Variants in DPP6 observed in about 807,000 individuals in gnomAD.
The protein encoded by DPP6 is A-type potassium channel modulatory protein DPP6.
A neutral mutation model predicts 122.6 loss-of-function variants in DPP6; 69 were observed. The ratio of observed to expected loss-of-function variants is 0.56; its 90% CI spans 0.46 to 0.69. The LOEUF (loss-of-function observed/expected upper bound fraction) is 0.69. Among genes scored for constraint, DPP6 ranks in the 30% least tolerant of loss-of-function variants. The pLI is 0.00. For missense variants in DPP6, 928 were observed against 1,116.9 expected (o/e 0.83, Z 2.41); for synonymous variants, 418 against 433.1 (o/e 0.97, Z 0.43).
At chr7:153,958,023 G>T (rs1279037295) in intron 1 of DPP6, among the ~76,000 whole-genome samples, 1 of 152,198 alleles carries the variant, frequency 6.6e-6, no homozygotes, top group East Asian at 1.9e-4. Flanking sequence ...ACTTAGCTGG[G>T]TGTGGTGGTG....
chr7:154,680,194 G>A (rs916372100), intron 7 of DPP6, among the ~76,000 whole-genome samples: 8 of 152,120 alleles, frequency 5.3e-5, no homozygotes, highest in African/African-American at 1.9e-4. Flanking sequence ...AGGACATCAG[G>A]AGGAGGTGGA....
intron 7 of DPP6, among the ~76,000 whole-genome samples, chr7:154,692,551 G>A (rs983812641): frequency 1.3e-5 from 2 of 152,066 alleles, no homozygotes; most frequent in African/African-American, 4.8e-5. Context: ...TAGGGAAATC[G>A]TTTGATTAAT....
chr7:154,874,626 C>T lies in DPP6; in HGVS notation c.1884-1280C>T, dbSNP rs149880113. ...GCACTCGAGCGCGCCGCTCCTGGCC[C>T]GCTCCTCCTGCCCCCACCCCACTCC... On this transcript the variant is annotated intron_variant, in intron 19 of 25. Coordinates refer to ENST00000377770, the MANE Select transcript of DPP6 (RefSeq NM_130797.4). Among the ~76,000 whole-genome samples the T allele has an allele frequency of 5.8e-3, 884 of 152,356 alleles. 8 individuals carry two copies. Among genetic ancestry groups the T allele is most frequent in the African/African-American group, 0.019 (792 of 41,580 alleles).
At chr7:154,062,385 T>G (rs10281031) in intron 1 of DPP6, among the ~76,000 whole-genome samples, 49 of 550 alleles carry the variant, frequency 0.089, 3 homozygotes, top group South Asian at 0.21. Context: ...GCCCCTGGCT[T>G]TTGGTACCCC....
rs1450039947 is a variant in DPP6, at chr7:153,994,827, T to G, written c.51+107093T>G. On this transcript the variant is annotated intron_variant, in intron 1 of 25. Transcript: ENST00000404039. ...TGAAAGACTAAAATTATGCTGTTCATAAAATGTCCCTACAGATAAGTTTCA... is the reference window on the plus strand; with the variant it reads ...TGAAAGACTAAAATTATGCTGTTCAGAAAATGTCCCTACAGATAAGTTTCA... Among the ~76,000 whole-genome samples, 6 of 152,192 alleles carry G rather than the reference T, an allele frequency of 3.9e-5. No homozygotes were observed. In the East Asian group the frequency reaches 1.2e-3, roughly 29 times the overall value.
At chr7:154,506,167 G>A (rs998148128) in intron 3 of DPP6, among the ~76,000 whole-genome samples, 2 of 151,934 alleles carry the variant, frequency 1.3e-5, no homozygotes, top group African/African-American at 2.4e-5. Context: ...GAGATTTTTG[G>A]AGATCTTAAC....
chr7:154,880,779 G>A (rs1805323940), intron 20 of DPP6, 109 bp from the exon 21 acceptor site: 1 of 1,577,940 alleles, frequency 6.3e-7, no homozygotes. Context: ...TTTATTTGAA[G>A]AGGGGTTTTC....
chr7:153,809,023 A>G, the DPP6 span, among the ~76,000 whole-genome samples: 2 of 152,012 alleles, frequency 1.3e-5, no homozygotes, highest in African/African-American at 4.8e-5. Flanking sequence ...AACAGCATGC[A>G]GTTTTTCCCT....
intron 5 of DPP6, among the ~76,000 whole-genome samples, chr7:154,576,731 G>C (rs1831704770): frequency 6.6e-6 from 1 of 152,132 alleles, no homozygotes; most frequent in Non-Finnish European, 1.5e-5. Flanking sequence ...TCTTGGGGGA[G>C]GAGGCTGCTC....
At chr7:153,763,385 A>AAAT in the DPP6 span, among the ~76,000 whole-genome samples, 1 of 151,758 alleles carries the variant, frequency 6.6e-6, no homozygotes. Context: ...AAGAAAAAAA[A>AAAT]AAAAAAAAAG....
At chr7:154,061,828 C>G (rs548267614) in intron 1 of DPP6, among the ~76,000 whole-genome samples, 1 of 138,376 alleles carries the variant, frequency 7.2e-6, no homozygotes, top group Non-Finnish European at 1.6e-5. Context: ...CCCTCTTCCC[C>G]CCTTTGCTCT....
chr7:154,227,629 G>A (rs1371432222), intron 1 of DPP6, among the ~76,000 whole-genome samples: 2 of 152,008 alleles, frequency 1.3e-5, no homozygotes, highest in Admixed American at 1.3e-4. Flanking sequence ...TATCTAAGAG[G>A]TCTTCCTCCT....
chr7:153,787,103 G>A, the DPP6 span, among the ~76,000 whole-genome samples: 5 of 141,904 alleles, frequency 3.5e-5, no homozygotes, highest in Admixed American at 7.0e-5. Flanking sequence ...AGGTGCCCAC[G>A]ACCACGCCCG....
At chr7:153,849,275 C>CTTT in the DPP6 span, among the ~76,000 whole-genome samples, 6 of 146,724 alleles carry the variant, frequency 4.1e-5, no homozygotes, top group African/African-American at 1.5e-4. Context: ...TATATGTTTT[C>CTTT]TTTTTTTTTT....
In DPP6 at chr7:154,285,581, A is replaced by C. The variant is rs573788490; in HGVS notation, c.244-160633A>C. On this transcript the variant is annotated intron_variant, in intron 1 of 25. Transcript: ENST00000377770. ...CTCCCACCCTCCTACTAGTTTTATTATATCATTTTAGGTTATTATAAAATC... is the reference window on the plus strand; with the variant it reads ...CTCCCACCCTCCTACTAGTTTTATTCTATCATTTTAGGTTATTATAAAATC... 8.5e-5 allele frequency among the ~76,000 whole-genome samples: 13 copies of C among 152,278 alleles called. No individual in the cohort carries two copies. The South Asian group carries it at 2.5e-3, about 29-fold the overall frequency.
At chr7:153,891,786 C>G (rs1799215431) in intron 1 of DPP6, among the ~76,000 whole-genome samples, 1 of 152,160 alleles carries the variant, frequency 6.6e-6, no homozygotes, top group African/African-American at 2.4e-5. Context: ...GCGTCTCCCC[C>G]TTCCTTGGTG....
chr7:153,802,922 C>T, the DPP6 span, among the ~76,000 whole-genome samples: 1 of 152,102 alleles, frequency 6.6e-6, no homozygotes, highest in Non-Finnish European at 1.5e-5. Flanking sequence ...CACTGCACAG[C>T]CTTGGAACTG....
Position 154,047,316 on chromosome 7 carries a change from C to T in DPP6, c.51+159582C>T, listed in dbSNP as rs981424387. 1.3e-3 allele frequency among the ~76,000 whole-genome samples: 185 copies of T among 145,914 alleles called. 3 individuals carry two copies. Among genetic ancestry groups the T allele is most frequent in the Non-Finnish European group, 5.0e-4 (34 of 67,516 alleles). Reference sequence around the variant, plus strand: ...AAGCACTGAAGTGCAGAGACTCATTCCTATCACTTTAACATTGAAGGGAAT... The same window carrying T: ...AAGCACTGAAGTGCAGAGACTCATTTCTATCACTTTAACATTGAAGGGAAT... On this transcript the variant is annotated intron_variant, in intron 1 of 25. Transcript: ENST00000404039.
chr7:154,454,443 G>A (rs1346430940), intron 2 of DPP6, among the ~76,000 whole-genome samples: 1 of 152,204 alleles, frequency 6.6e-6, no homozygotes, highest in East Asian at 1.9e-4. Context: ...CATGGGAGAG[G>A]CCATTGAGAA....
Sources: gnomAD v4.1 joint callset for allele counts (sites outside exome capture counted in the v4.1 genomes callset) on GRCh38, gnomAD v4.1.1 for gene constraint, MANE v1.5 for transcripts, NCBI Gene and HGNC (gene_info 2026-07-23, HGNC 2026-07-21) for gene names.